The following WWOX variants were observed in gnomAD, a reference collection of about 807,000 sequenced individuals.
WWOX encodes the protein WW domain-containing oxidoreductase.
WWOX carries 69 observed loss-of-function variants against 46.2 expected under a neutral mutation model. That is an observed-to-expected ratio of 1.49 (90% confidence interval 1.23 to 1.82). WWOX has a LOEUF of 1.82. Ranked by LOEUF, WWOX falls within the 40% of genes most tolerant of loss-of-function variation. The pLI is 0.00. For missense variants in WWOX, 919 were observed against 542.6 expected (o/e 1.69, Z -6.89); for synonymous variants, 359 against 202.6 (o/e 1.77, Z -6.56).
At chr16:78,636,963 C>A (rs1056826395) in intron 8 of WWOX, among the ~76,000 whole-genome samples, 1 of 152,168 alleles carries the variant, frequency 6.6e-6, no homozygotes, top group Admixed American at 6.5e-5. Context: ...TGGACGCGTT[C>A]CCCTTGTCTG....
intron 5 of WWOX, among the ~76,000 whole-genome samples, chr16:78,354,132 T>A (rs941723743): frequency 6.6e-6 from 1 of 152,176 alleles, no homozygotes; most frequent in Non-Finnish European, 1.5e-5. Context: ...CATCTGTGAA[T>A]CAGGAAAGAC....
At chr16:78,314,360 C>G (rs535040742) in intron 5 of WWOX, among the ~76,000 whole-genome samples, 1 of 142,294 alleles carries the variant, frequency 7.0e-6, no homozygotes. Context: ...GAGCCGAGAT[C>G]GAGCCACTGC....
At chr16:78,944,487 G>C (rs139506189) in intron 8 of WWOX, among the ~76,000 whole-genome samples, 168 of 152,188 alleles carry the variant, frequency 1.1e-3, no homozygotes, top group Non-Finnish European at 2.1e-3. Context: ...GACAAAAACT[G>C]GTCCTCAAGA....
chr16:78,904,739 C>T (rs72806719), intron 8 of WWOX, among the ~76,000 whole-genome samples: 43,655 of 152,080 alleles, frequency 0.29, 7,177 homozygotes, highest in Non-Finnish European at 0.38. Context: ...GTCACCCTAT[C>T]TATGATCTGT....
chr16:78,306,129 A>C (rs1198876216), intron 5 of WWOX, among the ~76,000 whole-genome samples: 1 of 152,142 alleles, frequency 6.6e-6, no homozygotes, highest in East Asian at 1.9e-4. Context: ...GCCTTCTAGT[A>C]ATTCATGTTT....
intron 8 of WWOX, among the ~76,000 whole-genome samples, chr16:78,661,537 G>A (rs1297993433): frequency 2.0e-5 from 3 of 151,904 alleles, no homozygotes; most frequent in Non-Finnish European, 2.9e-5. Flanking sequence ...AGCTTTCACC[G>A]CGGCATCTTC....
intron 8 of WWOX, among the ~76,000 whole-genome samples, chr16:78,862,429 G>A (rs538983373): frequency 6.6e-6 from 1 of 151,748 alleles, no homozygotes; most frequent in East Asian, 1.9e-4. Context: ...TACTAATACA[G>A]TGTATAATGT....
intron 8 of WWOX, among the ~76,000 whole-genome samples, chr16:78,595,052 G>C (rs908867733): frequency 6.6e-6 from 1 of 152,204 alleles, no homozygotes; most frequent in Non-Finnish European, 1.5e-5. Context: ...TTTGTCAAGA[G>C]GCTTGGGGAC....
intron 8 of WWOX, among the ~76,000 whole-genome samples, chr16:79,134,019 C>T (rs1342854741): frequency 6.6e-6 from 1 of 151,982 alleles, no homozygotes; most frequent in Non-Finnish European, 1.5e-5. Flanking sequence ...TCTAAGCAAG[C>T]ATGTAGGAAG....
chr16:78,772,012 C>G (rs1304083082), intron 8 of WWOX, among the ~76,000 whole-genome samples: 1 of 152,114 alleles, frequency 6.6e-6, no homozygotes, highest in Non-Finnish European at 1.5e-5. Context: ...TGTGTTCTTA[C>G]TGGAAATGTT....
intron 8 of WWOX, among the ~76,000 whole-genome samples, chr16:78,612,447 C>T (rs1008102892): frequency 5.9e-5 from 9 of 152,152 alleles, no homozygotes; most frequent in Admixed American, 2.6e-4. Context: ...TCTGCAGGTG[C>T]GGGTGGCTCT....
chr16:78,683,638 G>C (rs775175988), intron 8 of WWOX, among the ~76,000 whole-genome samples: 2 of 152,088 alleles, frequency 1.3e-5, no homozygotes, highest in Non-Finnish European at 2.9e-5. Flanking sequence ...CTGGGTTCAC[G>C]TGATCCTCCT....
intron 8 of WWOX, among the ~76,000 whole-genome samples, chr16:79,091,174 C>A (rs1001982994): frequency 6.6e-6 from 1 of 152,166 alleles, no homozygotes; most frequent in African/African-American, 2.4e-5. Context: ...ACCATAACCA[C>A]ATCCTTCCCC....
intron 5 of WWOX, among the ~76,000 whole-genome samples, chr16:78,364,371 C>T (rs4077864): frequency 2.0e-5 from 3 of 151,930 alleles, no homozygotes; most frequent in African/African-American, 4.8e-5. Flanking sequence ...TGTATCGGTT[C>T]TGATTTATTA....
intron 6 of WWOX, among the ~76,000 whole-genome samples, chr16:78,411,713 G>T (rs1284991844): frequency 6.6e-6 from 1 of 152,162 alleles, no homozygotes; most frequent in Non-Finnish European, 1.5e-5. Flanking sequence ...AGTCAAGTGG[G>T]AGAATGTAGA....
chr16:78,313,029 CCTA>C (rs150683541), intron 5 of WWOX, among the ~76,000 whole-genome samples: 4,954 of 152,262 alleles, frequency 0.033, 175 homozygotes, highest in African/African-American at 0.088. Flanking sequence ...AGATTTGTGT[CCTA>C]CTAACACCAG....
intron 8 of WWOX, among the ~76,000 whole-genome samples, chr16:78,951,043 G>A (rs1474058542): frequency 6.6e-6 from 1 of 152,188 alleles, no homozygotes; most frequent in East Asian, 1.9e-4. Flanking sequence ...GGCAGCAATT[G>A]TAGGACAATG....
chr16:79,068,231 T>C (rs1235500977), intron 8 of WWOX, among the ~76,000 whole-genome samples: 2 of 152,174 alleles, frequency 1.3e-5, no homozygotes, highest in African/African-American at 2.4e-5. Context: ...ACTAATGATG[T>C]TTATGAACTG....
intron 8 of WWOX, among the ~76,000 whole-genome samples, chr16:78,595,255 G>A (rs554244980): frequency 6.6e-6 from 1 of 152,198 alleles, no homozygotes; most frequent in Admixed American, 6.5e-5. Flanking sequence ...TGGGACTAGG[G>A]AAGTGGCAAT....
Sources: allele counts gnomAD v4.1 joint callset (sites outside exome capture counted in the v4.1 genomes callset), GRCh38; gene constraint gnomAD v4.1.1; transcripts MANE v1.5; gene names NCBI Gene and HGNC (gene_info 2026-07-23, HGNC 2026-07-21).